Variants in STK32B observed in about 807,000 individuals in gnomAD.
STK32B encodes the protein serine/threonine-protein kinase 32B.
STK32B carries 43 observed loss-of-function variants against 52.6 expected under a neutral mutation model. That is an observed-to-expected ratio of 0.82 (90% CI 0.64 to 1.05). STK32B has a LOEUF of 1.05. Ranked by LOEUF, STK32B falls within the 50% of genes least tolerant of loss-of-function variation. The probability of loss-of-function intolerance (pLI) is 0.00; values close to 1 mark genes in which losing one functional copy is unlikely to be tolerated. For missense variants in STK32B, 621 were observed against 534.6 expected, an observed-to-expected ratio of 1.16 and a Z score of -1.59; for synonymous variants, 238 against 204.3, an observed-to-expected ratio of 1.17 and a Z score of -1.41.
At chr4:5,481,920 C>T (rs1204285380) in intron 11 of STK32B, among the ~76,000 whole-genome samples, 1 of 152,112 alleles carries the variant, frequency 6.6e-6, no homozygotes, top group African/African-American at 2.4e-5. Flanking sequence ...TTTCTGAGGG[C>T]TCTGTTCTGT....
At chr4:5,142,294 G>A (rs146948896) in intron 2 of STK32B, among the ~76,000 whole-genome samples, 102 of 152,312 alleles carry the variant, frequency 6.7e-4, no homozygotes, top group Middle Eastern at 3.4e-3. Context: ...TCCCTGGGGA[G>A]TATTTTCTGA....
intron 9 of STK32B, among the ~76,000 whole-genome samples, chr4:5,463,516 TC>T (rs1327438447): frequency 6.6e-6 from 1 of 151,242 alleles, no homozygotes. Context: ...GCACACTCAT[TC>T]CCCCACACAC....
intron 3 of STK32B, among the ~76,000 whole-genome samples, chr4:5,242,158 A>G (rs1040508853): frequency 6.6e-6 from 1 of 152,192 alleles, no homozygotes; most frequent in African/African-American, 2.4e-5. Context: ...CCATACTGAC[A>G]TCCACAATGG....
intron 1 of STK32B, among the ~76,000 whole-genome samples, chr4:5,100,871 TTC>T (rs1713744691): frequency 1.3e-5 from 2 of 150,080 alleles, no homozygotes; most frequent in African/African-American, 2.4e-5. Context: ...CTCTCCTTCC[TTC>T]CTTCCTTCCT....
chr4:5,462,264 CTGTATGTGTGTGTG>C (rs1040434046), intron 9 of STK32B, among the ~76,000 whole-genome samples: 8 of 149,352 alleles, frequency 5.4e-5, no homozygotes, highest in African/African-American at 2.0e-4. Context: ...GTTTTTGTGT[CTGTATGTGTGTGTG>C]TGTATGTGTC....
intron 8 of STK32B, 142 bp from the exon 9 acceptor site, chr4:5,459,961 A>C: frequency 7.9e-7 from 1 of 1,263,370 alleles, no homozygotes; most frequent in Non-Finnish European, 1.1e-6. Flanking sequence ...GCTTCCAACA[A>C]CAGTGACCCA....
intron 3 of STK32B, among the ~76,000 whole-genome samples, chr4:5,202,143 G>T (rs1167387199): frequency 6.6e-6 from 1 of 152,224 alleles, no homozygotes; most frequent in Non-Finnish European, 1.5e-5. Flanking sequence ...CAGGCATTAG[G>T]TAGATGTTCC....
the STK32B span, among the ~76,000 whole-genome samples, chr4:5,023,025 G>A: frequency 1.7e-4 from 26 of 151,138 alleles, no homozygotes; most frequent in South Asian, 8.4e-4. Context: ...GTGTGTATAT[G>A]TGTGTGTTTG....
chr4:5,269,495 A>G (rs1442368120), intron 3 of STK32B, among the ~76,000 whole-genome samples: 2 of 152,224 alleles, frequency 1.3e-5, no homozygotes, highest in African/African-American at 4.8e-5. Context: ...TGGCATGCAT[A>G]GAAGCAAGGC....
chr4:5,427,299 T>A (rs1163036859), intron 6 of STK32B, among the ~76,000 whole-genome samples: 3 of 152,200 alleles, frequency 2.0e-5, no homozygotes, highest in Non-Finnish European at 2.9e-5. Flanking sequence ...TGTACTAATA[T>A]CTTGTTCATA....
intron 2 of STK32B, among the ~76,000 whole-genome samples, chr4:5,143,443 C>T (rs916688748): frequency 3.3e-5 from 5 of 152,234 alleles, no homozygotes; most frequent in African/African-American, 9.6e-5. Context: ...CTGGAGCCCA[C>T]GCATCACACC....
intron 11 of STK32B, among the ~76,000 whole-genome samples, chr4:5,482,436 G>T (rs961767751): frequency 2.0e-5 from 3 of 152,254 alleles, no homozygotes; most frequent in East Asian, 3.9e-4. Flanking sequence ...CATTGATTTT[G>T]TATCCTGAGA....
chr4:5,333,103 G>C (rs553654209), intron 4 of STK32B, among the ~76,000 whole-genome samples: 1 of 151,958 alleles, frequency 6.6e-6, no homozygotes, highest in Non-Finnish European at 1.5e-5. Context: ...CTAGTTTACA[G>C]TCCCACCAAC....
intron 3 of STK32B, among the ~76,000 whole-genome samples, chr4:5,305,828 T>C (rs1328298756): frequency 1.3e-5 from 2 of 152,172 alleles, no homozygotes; most frequent in Non-Finnish European, 2.9e-5. Context: ...GACTTTTTGA[T>C]GTAGGCATTT....
At chr4:5,178,039 G>C (rs1377448861) in intron 3 of STK32B, among the ~76,000 whole-genome samples, 3 of 152,244 alleles carry the variant, frequency 2.0e-5, no homozygotes, top group Admixed American at 6.5e-5. Flanking sequence ...CCACTAGGCA[G>C]TGCCCCAGTG....
intron 1 of STK32B, among the ~76,000 whole-genome samples, chr4:5,052,372 GGCCTGTTGGATGCA>G (rs1363520912): frequency 6.6e-6 from 1 of 152,086 alleles, no homozygotes; most frequent in African/African-American, 2.4e-5. Context: ...CTCGTGCAAG[GGCCTGTTGGATGCA>G]GCTCTCCTCA....
At position 5,483,497 on chromosome 4, in the gene STK32B, G is replaced by C. The variant is rs936103191; in HGVS notation, c.1106+15427G>C. Reference sequence around the variant, plus strand: ...CTCTCTTTTCTTCTTTATTAGTCTTGCTAGCAGTCTATCAATTTTGTTGAC... The same window carrying C: ...CTCTCTTTTCTTCTTTATTAGTCTTCCTAGCAGTCTATCAATTTTGTTGAC... On this transcript the variant is annotated intron_variant, in intron 11 of 11. Transcript: ENST00000282908. 3.7e-4 allele frequency among the ~76,000 whole-genome samples: 56 copies of C among 151,896 alleles called. 1 individual carries two copies. Among genetic ancestry groups the C allele is most frequent in the African/African-American group, 1.2e-3 (51 of 41,376 alleles).
chr4:5,482,928 G>A (rs1160071493), intron 11 of STK32B, among the ~76,000 whole-genome samples: 4 of 152,168 alleles, frequency 2.6e-5, no homozygotes, highest in African/African-American at 9.7e-5. Context: ...TGCATCCCAG[G>A]GATGTAGCCC....
chr4:5,031,058 T>A, the STK32B span, among the ~76,000 whole-genome samples: 1 of 152,078 alleles, frequency 6.6e-6, no homozygotes, highest in South Asian at 2.1e-4. Flanking sequence ...ATGTTGAAGC[T>A]CTAGTCCAAA....
Sources: allele counts gnomAD v4.1 joint callset (sites outside exome capture counted in the v4.1 genomes callset), GRCh38; gene constraint gnomAD v4.1.1; transcripts MANE v1.5; gene names NCBI Gene and HGNC (gene_info 2026-07-23, HGNC 2026-07-21).